Variants in KCNJ3 observed in about 807,000 individuals in gnomAD.
KCNJ3 encodes the protein potassium inwardly rectifying channel subfamily J member 3, also known as G protein-activated inward rectifier potassium channel 1.
A neutral mutation model predicts 39.2 loss-of-function variants in KCNJ3; 4 were observed. The observed-to-expected ratio is 0.10, with a 90% confidence interval of 0.05 to 0.23. KCNJ3 has a LOEUF of 0.23. Ranked by LOEUF, KCNJ3 falls within the 10% of genes least tolerant of loss-of-function variation. The probability of loss-of-function intolerance (pLI) is 1.00; values close to 1 mark genes in which losing one functional copy is unlikely to be tolerated. For missense variants in KCNJ3, 276 were observed against 634.9 expected, an observed-to-expected ratio of 0.43 and a Z score of 6.08; for synonymous variants, 230 against 237.4, an observed-to-expected ratio of 0.97 and a Z score of 0.29.
intron 2 of KCNJ3, among the ~76,000 whole-genome samples, chr2:154,758,076 GT>G (rs1163167226): frequency 3.9e-5 from 6 of 152,012 alleles, no homozygotes; most frequent in African/African-American, 1.4e-4. Context: ...ACTAGATAAG[GT>G]TCCTTTATTT....
chr2:154,746,404 T>A (rs1045852547), intron 2 of KCNJ3, among the ~76,000 whole-genome samples: 2 of 151,818 alleles, frequency 1.3e-5, no homozygotes, highest in Non-Finnish European at 2.9e-5. Context: ...CTATATACTT[T>A]AAATCATCTC....
At chr2:154,802,452 G>C (rs17566896) in intron 2 of KCNJ3, among the ~76,000 whole-genome samples, 30,786 of 151,980 alleles carry the variant, frequency 0.2, 4,136 homozygotes, top group Non-Finnish European at 0.29. Flanking sequence ...TTTTACAGCT[G>C]TATATTTTCA....
At chr2:154,704,332 A>C (rs1251324336) in intron 1 of KCNJ3, among the ~76,000 whole-genome samples, 2 of 152,084 alleles carry the variant, frequency 1.3e-5, no homozygotes, top group Admixed American at 6.6e-5. Flanking sequence ...GTATTTGGCG[A>C]GTAGGAGGAA....
At chr2:154,821,945 T>C (rs1687189896) in intron 2 of KCNJ3, among the ~76,000 whole-genome samples, 1 of 151,886 alleles carries the variant, frequency 6.6e-6, no homozygotes, top group South Asian at 2.1e-4. Flanking sequence ...CCAGCCTGAA[T>C]ATGTGATTTT....
rs552255689 is a variant in KCNJ3, at chr2:154,763,611, CAGA to C, written c.919+53800_919+53802del. Among the ~76,000 whole-genome samples the C allele has an allele frequency of 2.1e-3, 325 of 152,174 alleles. 2 individuals carry two copies. Among genetic ancestry groups the C allele is most frequent in the African/African-American group, 7.6e-3 (314 of 41,534 alleles). ...GTTAGAACACCAAGAAGCTAGAATG[CAGA>C]AGAAGAATCACTTGCAGAGTAGAGG... On this transcript the variant is annotated intron_variant, in intron 2 of 2. Transcript: ENST00000295101.
intron 2 of KCNJ3, among the ~76,000 whole-genome samples, chr2:154,747,011 G>A (rs565931097): frequency 6.6e-6 from 1 of 151,950 alleles, no homozygotes; most frequent in South Asian, 2.1e-4. Context: ...GCTGTTGAAA[G>A]AACAGGGAAG....
chr2:154,771,380 A>G (rs958206732), intron 2 of KCNJ3, among the ~76,000 whole-genome samples: 1 of 152,226 alleles, frequency 6.6e-6, no homozygotes, highest in African/African-American at 2.4e-5. Context: ...TTGCAAATAT[A>G]TCAAATATTT....
At chr2:154,719,671 A>G (rs1285066273) in intron 2 of KCNJ3, among the ~76,000 whole-genome samples, 1 of 152,174 alleles carries the variant, frequency 6.6e-6, no homozygotes, top group Non-Finnish European at 1.5e-5. Flanking sequence ...GAATATCATT[A>G]TGCTTACAGC....
At chr2:154,751,166 A>G (rs1685839073) in intron 2 of KCNJ3, among the ~76,000 whole-genome samples, 1 of 151,972 alleles carries the variant, frequency 6.6e-6, no homozygotes, top group South Asian at 2.1e-4. Context: ...ATTAAAAATC[A>G]TAAGGTAGAT....
chr2:154,728,779 T>A (rs1685402618), intron 2 of KCNJ3, among the ~76,000 whole-genome samples: 1 of 152,140 alleles, frequency 6.6e-6, no homozygotes, highest in Non-Finnish European at 1.5e-5. Flanking sequence ...TTCGTGGGAT[T>A]CTGGGCCAGT....
intron 2 of KCNJ3, among the ~76,000 whole-genome samples, chr2:154,841,423 G>C (rs1687575166): frequency 6.6e-6 from 1 of 152,138 alleles, no homozygotes; most frequent in Non-Finnish European, 1.5e-5. Flanking sequence ...GCAGGCTTTG[G>C]TATCAGGATG....
At chr2:154,702,161 A>AT (rs918792006) in intron 1 of KCNJ3, among the ~76,000 whole-genome samples, 1 of 152,004 alleles carries the variant, frequency 6.6e-6, no homozygotes, top group African/African-American at 2.4e-5. Flanking sequence ...CTGATTAAAT[A>AT]TTACACACAA....
At chr2:154,768,909 T>C (rs1686183444) in intron 2 of KCNJ3, among the ~76,000 whole-genome samples, 1 of 152,082 alleles carries the variant, frequency 6.6e-6, no homozygotes, top group Admixed American at 6.6e-5. Flanking sequence ...TCACGTCCCT[T>C]TAAGTTGGAT....
At chr2:154,707,747 C>T (rs1173996244) in intron 1 of KCNJ3, among the ~76,000 whole-genome samples, 1 of 152,106 alleles carries the variant, frequency 6.6e-6, no homozygotes, top group Non-Finnish European at 1.5e-5. Flanking sequence ...TAATTATACA[C>T]ATCAGAATAC....
chr2:154,750,453 G>T (rs2591161), intron 2 of KCNJ3, among the ~76,000 whole-genome samples: 6 of 151,578 alleles, frequency 4.0e-5, no homozygotes, highest in African/African-American at 1.5e-4. Context: ...CTAATGCAAC[G>T]GTAACTTATT....
chr2:154,736,374 TAAAAAAAAAAAAAAAAAAAAAAAAA>T (rs70983745), intron 2 of KCNJ3, among the ~76,000 whole-genome samples: 39 of 93,220 alleles, frequency 4.2e-4, no homozygotes, highest in Admixed American at 4.0e-3. Flanking sequence ...TCACTAGTTC[TAAAAAAAAAAAAAAAAAAAAAAAAA>T]AAAAAAAAAA....
rs544337364 is a variant in KCNJ3 at position 154,856,242 on chromosome 2, G to GAACA, written c.*934_*937dup. Reference sequence around the variant, plus strand: ...ATGATCTAATACAAAGATGAGCTCTGAACAAACACTGAATCATGTTAATAG... The same window carrying GAACA: ...ATGATCTAATACAAAGATGAGCTCTGAACAAACAAACACTGAATCATGTTAATAG... On this transcript the variant is annotated 3_prime_UTR_variant, in exon 3 of 3. Coordinates refer to ENST00000295101, the MANE Select transcript of KCNJ3 (RefSeq NM_002239.4). 44 of 152,604 alleles carry GAACA rather than the reference G, an allele frequency of 2.9e-4. No homozygotes were observed. The highest frequency in any genetic ancestry group is 1.1e-3 in the African/African-American group (44 of 41,560). The allele number at this position is 152,604 out of a possible 1,614,324, so 9.5% of individuals were successfully genotyped here.
At chr2:154,746,343 C>A (rs1685742251) in intron 2 of KCNJ3, among the ~76,000 whole-genome samples, 1 of 151,592 alleles carries the variant, frequency 6.6e-6, no homozygotes, top group South Asian at 2.1e-4. Context: ...AGTTGGCACC[C>A]CTAGCCCCCA....
chr2:154,709,544 T>C, intron 1 of KCNJ3, 59 bp from the exon 2 acceptor site: 1 of 1,548,416 alleles, frequency 6.5e-7, no homozygotes, highest in Non-Finnish European at 8.8e-7. Flanking sequence ...ACTGTTGGGC[T>C]GCCTTGAAAT....
Sources: gnomAD v4.1 joint callset for allele counts (sites outside exome capture counted in the v4.1 genomes callset) on GRCh38, gnomAD v4.1.1 for gene constraint, MANE v1.5 for transcripts, NCBI Gene and HGNC (gene_info 2026-07-23, HGNC 2026-07-21) for gene names.